The following MACROD2 variants were observed in gnomAD, a reference collection of about 807,000 sequenced individuals.
MACROD2 encodes the protein ADP-ribose glycohydrolase MACROD2.
A neutral mutation model predicts 70.4 loss-of-function variants in MACROD2; 36 were observed. That is an observed-to-expected ratio of 0.51 (90% CI 0.39 to 0.68). The LOEUF is 0.68. MACROD2 is among the 30% of genes least tolerant of loss of function. MACROD2 has a pLI of 0.00. For missense variants in MACROD2, 496 were observed against 538.4 expected, an observed-to-expected ratio of 0.92 and a Z score of 0.78; for synonymous variants, 172 against 178.8, an observed-to-expected ratio of 0.96 and a Z score of 0.30.
chr20:14,182,520 T>G (rs2081312715), intron 3 of MACROD2, among the ~76,000 whole-genome samples: 1 of 152,224 alleles, frequency 6.6e-6, no homozygotes, highest in Admixed American at 6.5e-5. Context: ...TGGTTGCCTG[T>G]ACCTTTGTTG....
At position 15,797,784 on chromosome 20, in the gene MACROD2, G is replaced by C. The variant is rs6135532; in HGVS notation, c.646-64961G>C. On this transcript the variant is annotated intron_variant, in intron 8 of 17. Transcript: ENST00000684519. Reference sequence around the variant, plus strand: ...CAGTGAGCATCAAAATCACCTGAAGGGCTTACTAAAGCAAAATTTTGAGTC... The same window carrying C: ...CAGTGAGCATCAAAATCACCTGAAGCGCTTACTAAAGCAAAATTTTGAGTC... 9.9e-5 allele frequency among the ~76,000 whole-genome samples: 15 copies of C among 152,166 alleles called. No homozygotes were observed. The East Asian group carries it at 2.5e-3, about 26-fold the overall frequency.
intron 5 of MACROD2, among the ~76,000 whole-genome samples, chr20:15,019,152 AAC>A (rs139739244): frequency 1.2e-4 from 18 of 152,068 alleles, no homozygotes; most frequent in East Asian, 5.8e-4. Flanking sequence ...TCTTCCTCTG[AAC>A]ACACACACAC....
At chr20:14,171,823 G>T (rs1032564087) in intron 3 of MACROD2, among the ~76,000 whole-genome samples, 1 of 152,152 alleles carries the variant, frequency 6.6e-6, no homozygotes, top group African/African-American at 2.4e-5. Context: ...TTGTTGGGTA[G>T]AATGTTCAGT....
At chr20:15,913,318 T>C (rs1004799352) in intron 10 of MACROD2, among the ~76,000 whole-genome samples, 1 of 151,956 alleles carries the variant, frequency 6.6e-6, no homozygotes, top group Admixed American at 6.6e-5. Context: ...CTGGAGAGAG[T>C]TTTGCTAGTT....
At chr20:14,718,176 C>T (rs1027016386) in intron 5 of MACROD2, among the ~76,000 whole-genome samples, 26 of 150,780 alleles carry the variant, frequency 1.7e-4, no homozygotes, top group Non-Finnish European at 3.0e-4. Context: ...GCCTGTAATC[C>T]CAGCTACTCA....
At chr20:14,056,857 A>T (rs1569138216) in intron 2 of MACROD2, among the ~76,000 whole-genome samples, 1 of 151,360 alleles carries the variant, frequency 6.6e-6, no homozygotes, top group Non-Finnish European at 1.5e-5. Flanking sequence ...TTCAGCTATC[A>T]TGTATTTATG....
chr20:14,511,419 T>C (rs1283937902), intron 4 of MACROD2, among the ~76,000 whole-genome samples: 2 of 152,004 alleles, frequency 1.3e-5, no homozygotes, highest in Non-Finnish European at 2.9e-5. Context: ...CCCACAAGCA[T>C]TAAACATTTA....
intron 5 of MACROD2, among the ~76,000 whole-genome samples, chr20:15,224,452 T>A (rs970686413): frequency 6.6e-6 from 1 of 152,226 alleles, no homozygotes; most frequent in Non-Finnish European, 1.5e-5. Context: ...GATGTTGTCA[T>A]TGTGATGCTG....
At chr20:15,752,096 G>A (rs1333085835) in intron 8 of MACROD2, among the ~76,000 whole-genome samples, 1 of 151,916 alleles carries the variant, frequency 6.6e-6, no homozygotes, top group Non-Finnish European at 1.5e-5. Flanking sequence ...AATACTTAAT[G>A]CGTACAGAGA....
chr20:15,481,340 C>T (rs552157749), intron 7 of MACROD2, among the ~76,000 whole-genome samples: 1 of 152,330 alleles, frequency 6.6e-6, no homozygotes, highest in African/African-American at 2.4e-5. Context: ...CTGGAAATGA[C>T]TGAATGACTG....
At chr20:15,521,519 A>T (rs73098214) in intron 8 of MACROD2, among the ~76,000 whole-genome samples, 1 of 152,178 alleles carries the variant, frequency 6.6e-6, no homozygotes. Flanking sequence ...TTTATTGTGG[A>T]GAATGCTAAA....
At chr20:14,879,690 T>G (rs1049750919) in intron 5 of MACROD2, among the ~76,000 whole-genome samples, 1 of 152,196 alleles carries the variant, frequency 6.6e-6, no homozygotes, top group Non-Finnish European at 1.5e-5. Flanking sequence ...GAGTTAATGG[T>G]GGCATATATA....
At chr20:15,841,694 A>C (rs747970118) in intron 8 of MACROD2, among the ~76,000 whole-genome samples, 12 of 152,062 alleles carry the variant, frequency 7.9e-5, no homozygotes, top group Non-Finnish European at 1.8e-4. Flanking sequence ...ATTACAATGC[A>C]ATGTAAGATG....
intron 8 of MACROD2, among the ~76,000 whole-genome samples, chr20:15,676,733 T>G (rs2050061991): frequency 6.6e-6 from 1 of 152,226 alleles, no homozygotes. Flanking sequence ...GGACATGTTT[T>G]GGCTTATGTT....
intron 6 of MACROD2, among the ~76,000 whole-genome samples, chr20:15,362,573 A>G (rs2078365432): frequency 6.6e-6 from 1 of 152,090 alleles, no homozygotes. Flanking sequence ...GCCTATTAAC[A>G]TGGTGATTAC....
intron 3 of MACROD2, among the ~76,000 whole-genome samples, chr20:14,283,628 T>C (rs2082323233): frequency 6.6e-6 from 1 of 152,298 alleles, no homozygotes; most frequent in Non-Finnish European, 1.5e-5. Flanking sequence ...TAAAAATTTG[T>C]TTTTTAATGT....
intron 3 of MACROD2, among the ~76,000 whole-genome samples, chr20:14,445,291 C>T (rs1019719445): frequency 6.6e-6 from 1 of 152,022 alleles, no homozygotes; most frequent in Non-Finnish European, 1.5e-5. Flanking sequence ...TAGACCAGCA[C>T]TTGGCCTAAA....
chr20:14,207,408 C>G (rs943435801), intron 3 of MACROD2, among the ~76,000 whole-genome samples: 4 of 152,128 alleles, frequency 2.6e-5, no homozygotes, highest in Admixed American at 2.0e-4. Flanking sequence ...CCAGAAATGA[C>G]ACTTCTTGAC....
chr20:14,420,184 A>C (rs2083859074), intron 3 of MACROD2, among the ~76,000 whole-genome samples: 1 of 151,256 alleles, frequency 6.6e-6, no homozygotes. Context: ...GAGATTCCTC[A>C]AAAAGTTAAA....
Sources: gnomAD v4.1 joint callset for allele counts (sites outside exome capture counted in the v4.1 genomes callset) on GRCh38, gnomAD v4.1.1 for gene constraint, MANE v1.5 for transcripts, NCBI Gene and HGNC (gene_info 2026-07-23, HGNC 2026-07-21) for gene names.